Variants in GXYLT1 observed in about 807,000 individuals in gnomAD.
The protein encoded by GXYLT1 is glycosyltransferase 8 domain containing 3.
A neutral mutation model predicts 54.0 loss-of-function variants in GXYLT1; 29 were observed. The observed-to-expected ratio is 0.54, with a 90% CI of 0.40 to 0.73. The LOEUF (loss-of-function observed/expected upper bound fraction) is 0.73, where lower values mean the gene tolerates loss of function less well. Ranked by LOEUF, GXYLT1 falls within the 30% of genes least tolerant of loss-of-function variation. The pLI is 0.00. For synonymous variants in GXYLT1, 176 were observed against 204.1 expected (o/e 0.86, Z 1.17); for missense variants, 490 against 553.4 (o/e 0.89, Z 1.15).
At chr12:42,118,942 TTATAG>T in intron 3 of GXYLT1, 53 bp downstream of exon 3, 1 of 1,229,430 alleles carries the variant, frequency 8.1e-7, no homozygotes, top group Non-Finnish European at 1.1e-6. Context: ...CAACATTCTA[TTATAG>T]TATATTATTA....
chr12:42,140,437 A>G (rs558893040), intron 1 of GXYLT1, among the ~76,000 whole-genome samples: 9 of 152,222 alleles, frequency 5.9e-5, no homozygotes, highest in African/African-American at 1.9e-4. Flanking sequence ...TACCAAAATG[A>G]TATTAGCTAA....
intron 7 of GXYLT1, among the ~76,000 whole-genome samples, chr12:42,090,030 T>C (rs2065320604): frequency 6.6e-6 from 1 of 152,178 alleles, no homozygotes; most frequent in African/African-American, 2.4e-5. Context: ...CCCAGGAGTA[T>C]GTAGTACTCG....
At chr12:42,144,250 G>A (rs1039979859) in intron 1 of GXYLT1, among the ~76,000 whole-genome samples, 176 bp downstream of exon 1, 5 of 152,190 alleles carry the variant, frequency 3.3e-5, no homozygotes, top group African/African-American at 1.2e-4. Context: ...CTCTCAGGCG[G>A]GAGCAGCGCA....
At chr12:42,094,280 G>T (rs1243986503) in intron 7 of GXYLT1, among the ~76,000 whole-genome samples, 1 of 151,480 alleles carries the variant, frequency 6.6e-6, no homozygotes, top group Non-Finnish European at 1.5e-5. Context: ...GAATCCAGAA[G>T]GTCAACGCTG....
intron 3 of GXYLT1, among the ~76,000 whole-genome samples, chr12:42,110,072 G>A (rs1330048086): frequency 1.3e-5 from 2 of 152,048 alleles, no homozygotes; most frequent in East Asian, 1.9e-4. Context: ...CCATATATAC[G>A]ATATGAAAGA....
At chr12:42,109,221 A>G (rs2065437783) in intron 4 of GXYLT1, among the ~76,000 whole-genome samples, 1 of 152,180 alleles carries the variant, frequency 6.6e-6, no homozygotes, top group South Asian at 2.1e-4. Context: ...GTTGAAGGTG[A>G]TAACGCCACC....
At chr12:42,121,869 C>T (rs916696289) in intron 2 of GXYLT1, among the ~76,000 whole-genome samples, 21 of 151,870 alleles carry the variant, frequency 1.4e-4, no homozygotes, top group Non-Finnish European at 1.9e-4. Flanking sequence ...ACAAAAAACA[C>T]GGTTAAAAGA....
At chr12:42,142,812 G>A (rs1049775141) in intron 1 of GXYLT1, among the ~76,000 whole-genome samples, 5 of 152,012 alleles carry the variant, frequency 3.3e-5, no homozygotes, top group African/African-American at 7.3e-5. Flanking sequence ...TTTCTTATGC[G>A]CGCAAATGTG....
chr12:42,125,340 A>G (rs2065554341), intron 2 of GXYLT1, among the ~76,000 whole-genome samples: 1 of 152,220 alleles, frequency 6.6e-6, no homozygotes, highest in African/African-American at 2.4e-5. Context: ...TTTGAATCAG[A>G]AAGGTAAAAA....
intron 1 of GXYLT1, among the ~76,000 whole-genome samples, chr12:42,141,990 T>C (rs1312201552): frequency 1.3e-5 from 2 of 152,314 alleles, no homozygotes; most frequent in South Asian, 2.1e-4. Flanking sequence ...ATCTGACCAA[T>C]GGAACTTACT....
In GXYLT1 at chr12:42,144,866, A is replaced by C. The variant is rs2065674554; in HGVS notation, c.-220T>G. The C allele has an allele frequency of 6.2e-6, 2 of 324,552 alleles. No individual in the cohort carries two copies. Among genetic ancestry groups the C allele is most frequent in the African/African-American group, 2.2e-5 (1 of 45,868 alleles). 20.1% of individuals were successfully genotyped at this position (324,552 alleles called of 1,614,324 possible). On this transcript the variant is annotated 5_prime_UTR_variant, in exon 1 of 8. Transcript: ENST00000398675. ...GGACTACCCGCCCGGAAGCCTGGAC[A>C]CCGCCTCTGCCGCCGCGCGCTCAAG...
At chr12:42,120,260 C>T (rs1330159779) in intron 2 of GXYLT1, among the ~76,000 whole-genome samples, 2 of 152,208 alleles carry the variant, frequency 1.3e-5, no homozygotes, top group African/African-American at 4.8e-5. Context: ...TTCAGTATTA[C>T]ATTCAATCTT....
At chr12:42,112,970 C>A (rs547183844) in intron 3 of GXYLT1, among the ~76,000 whole-genome samples, 2 of 151,134 alleles carry the variant, frequency 1.3e-5, no homozygotes, top group South Asian at 2.1e-4. Flanking sequence ...GAGTGGGGAC[C>A]AACATTCAAC....
intron 3 of GXYLT1, 109 bp downstream of exon 3, chr12:42,118,891 C>A: frequency 1.3e-6 from 1 of 790,190 alleles, no homozygotes. Context: ...ATTACCAAGT[C>A]TCAGGTAGTT....
At position 42,087,804 on chromosome 12, in the gene GXYLT1, T is replaced by G; in HGVS notation, c.1305A>C (p.Arg435Ser). 3.1e-6 allele frequency: 5 copies of G among 1,603,248 alleles called. No individual in the cohort carries two copies. The highest frequency in any genetic ancestry group is 4.2e-6 in the Non-Finnish European group (5 of 1,176,590). Residue 435 changes from arginine (R) to serine (S), a missense_variant, in exon 8 of 8, where the codon AGA (arginine) becomes AGC (serine). Arg to Ser is a moderately radical substitution (Grantham distance 110). This residue lies in a region of GXYLT1 where 342 missense variants were observed against 342.6 expected (regional missense o/e 1.00). Transcript: ENST00000398675. ...LAKSVRDRYA[R>S]SPKEK ...CCAAGAATCACTTTTCCTTTGGTGA[T>G]CTGGCATAACGATCTCTTACACTTT...
intron 2 of GXYLT1, among the ~76,000 whole-genome samples, chr12:42,122,591 AAAAT>A (rs1316838722): frequency 6.6e-6 from 1 of 152,204 alleles, no homozygotes; most frequent in Non-Finnish European, 1.5e-5. Flanking sequence ...CTCTTTCAAA[AAAAT>A]AAATAAAAAG....
intron 4 of GXYLT1, among the ~76,000 whole-genome samples, chr12:42,108,559 C>CT (rs546270183): frequency 7.9e-4 from 118 of 149,562 alleles, no homozygotes; most frequent in Non-Finnish European, 1.5e-3. Context: ...GTATCTAAAA[C>CT]TTTTTTTTTT....
At position 42,093,176 on chromosome 12, in the gene GXYLT1, A is replaced by C. The variant is rs2065338120; in HGVS notation, c.1161+4266T>G. On this transcript the variant is annotated intron_variant, in intron 7 of 7. Coordinates refer to ENST00000398675, the MANE Select transcript of GXYLT1 (RefSeq NM_173601.2). Reference sequence around the variant, plus strand: ...GCAATGGAGCGATCCTGGCTCACTGAAACCTCCACATCCCAGGTTCAAGCG... The same window carrying C: ...GCAATGGAGCGATCCTGGCTCACTGCAACCTCCACATCCCAGGTTCAAGCG... Among the ~76,000 whole-genome samples the C allele has an allele frequency of 2.0e-5, 3 of 152,244 alleles. No homozygotes were observed. The South Asian group carries it at 6.2e-4, about 32-fold the overall frequency.
rs115942133 is a variant in GXYLT1, at chr12:42,132,688, C to G, written c.222-2837G>C. Among the ~76,000 whole-genome samples the G allele has an allele frequency of 9.4e-3, 1,436 of 152,298 alleles. 26 individuals carry two copies. The highest frequency in any genetic ancestry group is 0.033 in the African/African-American group (1,382 of 41,562). ...AGCTAGAGAGCACACCTCAAACTCC[C>G]TGTTCTCAGGAAATATCCACCAGGG... On this transcript the variant is annotated intron_variant, in intron 1 of 7. Transcript: ENST00000398675.
Sources: gnomAD v4.1 joint callset for allele counts (sites outside exome capture counted in the v4.1 genomes callset) on GRCh38, gnomAD v4.1.1 for gene constraint, gnomAD v4.1.1 regional missense constraint, MANE v1.5 for transcripts, NCBI Gene and HGNC (gene_info 2026-07-23, HGNC 2026-07-21) for gene names.